The following ARHGAP24 variants were observed in gnomAD, a reference collection of about 807,000 sequenced individuals.
ARHGAP24 encodes Rho GTPase activating protein 24, also known as rho GTPase-activating protein 24.
Under a neutral mutation model 76.4 loss-of-function variants are expected in ARHGAP24, and 50 were observed. The observed-to-expected ratio is 0.65, with a 90% CI of 0.52 to 0.83. ARHGAP24 has a LOEUF of 0.83. Ranked by LOEUF, ARHGAP24 falls within the 40% of genes least tolerant of loss-of-function variation. The pLI, the probability that ARHGAP24 is intolerant of heterozygous loss-of-function variation, is 0.00. For synonymous variants in ARHGAP24, 345 were observed against 323.3 expected (o/e 1.07, Z -0.72); for missense variants, 930 against 914.2 (o/e 1.02, Z -0.22).
At chr4:85,963,071 G>A (rs1286387711) in intron 5 of ARHGAP24, among the ~76,000 whole-genome samples, 1 of 151,842 alleles carries the variant, frequency 6.6e-6, no homozygotes, top group Non-Finnish European at 1.5e-5. Flanking sequence ...TAGAATCTCT[G>A]TAGTTTGCAA....
chr4:85,550,235 G>C (rs1170717957), intron 1 of ARHGAP24, among the ~76,000 whole-genome samples: 1 of 152,146 alleles, frequency 6.6e-6, no homozygotes, highest in Non-Finnish European at 1.5e-5. Context: ...ATGGTATAAG[G>C]AAAGGGTCCA....
intron 2 of ARHGAP24, among the ~76,000 whole-genome samples, chr4:85,657,845 C>T (rs1190101022): frequency 1.3e-5 from 2 of 152,200 alleles, no homozygotes; most frequent in African/African-American, 4.8e-5. Context: ...AACTCTGCCT[C>T]CCGGGTTCAA....
At chr4:85,951,095 A>ATATCCTTT (rs1397939248) in intron 5 of ARHGAP24, among the ~76,000 whole-genome samples, 24 of 152,158 alleles carry the variant, frequency 1.6e-4, no homozygotes, top group African/African-American at 5.8e-4. Flanking sequence ...GGCAACCGAA[A>ATATCCTTT]TATCCTTTTG....
At chr4:85,666,825 C>T (rs1033336096) in intron 2 of ARHGAP24, among the ~76,000 whole-genome samples, 5 of 152,126 alleles carry the variant, frequency 3.3e-5, no homozygotes, top group Non-Finnish European at 5.9e-5. Flanking sequence ...TCGTGAACCG[C>T]GAATGCTGCT....
chr4:85,554,440 TG>T (rs1443470666), intron 1 of ARHGAP24, among the ~76,000 whole-genome samples: 1 of 152,202 alleles, frequency 6.6e-6, no homozygotes, highest in Non-Finnish European at 1.5e-5. Context: ...TCAAGGACAC[TG>T]GTGAATTATA....
chr4:85,780,611 C>T (rs1056119471), intron 3 of ARHGAP24, among the ~76,000 whole-genome samples: 3 of 152,102 alleles, frequency 2.0e-5, no homozygotes, highest in African/African-American at 7.2e-5. Flanking sequence ...TCAACAACCT[C>T]TTCATGATTA....
intron 1 of ARHGAP24, among the ~76,000 whole-genome samples, chr4:85,564,074 G>A (rs1726706106): frequency 6.6e-6 from 1 of 152,126 alleles, no homozygotes; most frequent in South Asian, 2.1e-4. Flanking sequence ...ACACTCTTAT[G>A]TCCTTTGCTT....
At chr4:85,790,419 C>T (rs1249165291) in intron 3 of ARHGAP24, among the ~76,000 whole-genome samples, 2 of 152,100 alleles carry the variant, frequency 1.3e-5, no homozygotes, top group Non-Finnish European at 2.9e-5. Context: ...AATCATTTGT[C>T]TGTCTTTAGT....
chr4:85,903,113 C>G (rs1218831057), intron 3 of ARHGAP24, among the ~76,000 whole-genome samples: 2 of 152,164 alleles, frequency 1.3e-5, no homozygotes, highest in Non-Finnish European at 1.5e-5. Flanking sequence ...TTCTGAAATA[C>G]TGTCAAGATC....
intron 3 of ARHGAP24, among the ~76,000 whole-genome samples, chr4:85,812,967 T>A (rs912530997): frequency 6.6e-6 from 1 of 152,200 alleles, no homozygotes; most frequent in African/African-American, 2.4e-5. Context: ...GAGACTCTTC[T>A]AACACTTTCA....
intron 3 of ARHGAP24, among the ~76,000 whole-genome samples, chr4:85,905,275 T>C (rs1734708971): frequency 6.6e-6 from 1 of 152,116 alleles, no homozygotes; most frequent in African/African-American, 2.4e-5. Context: ...CTAACCAGCA[T>C]TTTTTTAAGT....
intron 1 of ARHGAP24, among the ~76,000 whole-genome samples, chr4:85,496,944 A>G (rs911737078): frequency 2.0e-5 from 3 of 152,266 alleles, no homozygotes; most frequent in Non-Finnish European, 2.9e-5. Context: ...TGTGATGTTT[A>G]CAAGTGGACA....
chr4:85,749,070 A>T (rs1726156484), intron 3 of ARHGAP24, among the ~76,000 whole-genome samples: 1 of 152,058 alleles, frequency 6.6e-6, no homozygotes, highest in South Asian at 2.1e-4. Context: ...TGGGAACAGG[A>T]CTCCAGCCCA....
intron 3 of ARHGAP24, among the ~76,000 whole-genome samples, chr4:85,897,422 GTTCAGT>G (rs1336114857): frequency 2.6e-5 from 4 of 152,200 alleles, no homozygotes; most frequent in African/African-American, 9.6e-5. Flanking sequence ...AGATTATCTG[GTTCAGT>G]CACCTGTTGA....
At chr4:85,876,008 G>T (rs768837778) in intron 3 of ARHGAP24, among the ~76,000 whole-genome samples, 6 of 152,026 alleles carry the variant, frequency 3.9e-5, no homozygotes, top group Non-Finnish European at 8.8e-5. Flanking sequence ...CTCCGAAAGT[G>T]CTGGGATTAC....
At chr4:85,784,790 G>C (rs1727730423) in intron 3 of ARHGAP24, among the ~76,000 whole-genome samples, 1 of 151,564 alleles carries the variant, frequency 6.6e-6, no homozygotes, top group African/African-American at 2.4e-5. Context: ...TATTTCCATG[G>C]CCACATTCTT....
intron 3 of ARHGAP24, among the ~76,000 whole-genome samples, chr4:85,904,783 G>C (rs1374940803): frequency 1.3e-5 from 2 of 152,140 alleles, no homozygotes; most frequent in African/African-American, 2.4e-5. Flanking sequence ...CAAATGATCT[G>C]TTTCAGTTAT....
intron 2 of ARHGAP24, among the ~76,000 whole-genome samples, chr4:85,652,310 T>C (rs902883214): frequency 6.6e-6 from 1 of 152,220 alleles, no homozygotes; most frequent in African/African-American, 2.4e-5. Context: ...ATATTTCTAC[T>C]ACCGTATTGT....
At chr4:85,957,204 C>T (rs1737969631) in intron 5 of ARHGAP24, among the ~76,000 whole-genome samples, 1 of 152,166 alleles carries the variant, frequency 6.6e-6, no homozygotes, top group Non-Finnish European at 1.5e-5. Context: ...ATGATTTTAG[C>T]CATTTCCATA....
Sources: allele counts gnomAD v4.1 joint callset (sites outside exome capture counted in the v4.1 genomes callset), GRCh38; gene constraint gnomAD v4.1.1; transcripts MANE v1.5; gene names NCBI Gene and HGNC (gene_info 2026-07-23, HGNC 2026-07-21).